Variants in TMEM266 observed in about 807,000 individuals in gnomAD.
TMEM266 encodes transmembrane protein 266.
In TMEM266, 33 loss-of-function variants were observed where a neutral mutation model predicts 50.5. That is an observed-to-expected ratio of 0.65 (90% CI 0.50 to 0.87). The LOEUF is 0.87. Ranked by LOEUF, TMEM266 falls within the 40% of genes least tolerant of loss-of-function variation. The pLI is 0.00. For missense variants in TMEM266, 655 were observed against 695.1 expected (o/e 0.94, Z 0.65); for synonymous variants, 310 against 292.3 (o/e 1.06, Z -0.62).
rs561781760 is a variant in TMEM266 at position 76,175,435 on chromosome 15, C to A, written c.653-124C>A. 3 of 687,040 alleles carry A rather than the reference C, an allele frequency of 4.4e-6. No individual in the cohort carries two copies. The East Asian group carries it at 8.2e-5, about 19-fold the overall frequency. 42.6% of individuals were successfully genotyped at this position (687,040 alleles called of 1,614,324 possible). ...GCTCTCGGGTACCTGGACATTTCCCCTTCTAGATCCACAGAAATGGCCCAG... is the reference window on the plus strand; with the variant it reads ...GCTCTCGGGTACCTGGACATTTCCCATTCTAGATCCACAGAAATGGCCCAG... On this transcript the variant is annotated intron_variant, in intron 7 of 10. Coordinates refer to ENST00000388942, the MANE Select transcript of TMEM266 (RefSeq NM_152335.3).
intron 5 of TMEM266, among the ~76,000 whole-genome samples, chr15:76,165,328 G>T (rs144451826): frequency 6.6e-6 from 1 of 152,232 alleles, no homozygotes; most frequent in Non-Finnish European, 1.5e-5. Flanking sequence ...GGACCAGAAG[G>T]TTCACTTGCC....
At chr15:76,107,246 TC>T (rs1410899143) in intron 1 of TMEM266, among the ~76,000 whole-genome samples, 1 of 152,244 alleles carries the variant, frequency 6.6e-6, no homozygotes, top group Non-Finnish European at 1.5e-5. Flanking sequence ...TTGCATTCTT[TC>T]ATTCATACGA....
chr15:76,116,371 G>T (rs1270281217), intron 1 of TMEM266, among the ~76,000 whole-genome samples: 2 of 152,084 alleles, frequency 1.3e-5, no homozygotes, highest in Non-Finnish European at 2.9e-5. Flanking sequence ...GGCTTTCTTG[G>T]TTCTCACCTA....
chr15:76,067,007 A>C (rs1440369755), intron 1 of TMEM266, among the ~76,000 whole-genome samples: 1 of 152,146 alleles, frequency 6.6e-6, no homozygotes, highest in Non-Finnish European at 1.5e-5. Flanking sequence ...GTGACAACCA[A>C]AAATGTCTCC....
rs778313540 is a variant in TMEM266 at position 76,160,057 on chromosome 15, C to A, written c.383-38C>A. 1.9e-6 allele frequency: 3 copies of A among 1,600,598 alleles called. No homozygotes were observed. The highest frequency in any genetic ancestry group is 2.2e-5 in the South Asian group (2 of 90,722). On this transcript the variant is annotated intron_variant, in intron 4 of 10. Coordinates refer to ENST00000388942, the MANE Select transcript of TMEM266 (RefSeq NM_152335.3). This position sits in a 1 kb window ranked among gnomAD's most constrained non-coding sequence, Gnocchi z 5.7. Reference sequence around the variant, plus strand: ...GCCCCCATAGCAACGCACCTAATTCCTCACTCCTAAAATTGGTCCTTATCG... The same window carrying A: ...GCCCCCATAGCAACGCACCTAATTCATCACTCCTAAAATTGGTCCTTATCG...
chr15:76,189,575 A>T (rs544406272), intron 8 of TMEM266, among the ~76,000 whole-genome samples: 57 of 152,184 alleles, frequency 3.7e-4, no homozygotes, highest in African/African-American at 1.2e-3. Flanking sequence ...TCCCCTCGGA[A>T]CCCCTGAGAG....
intron 1 of TMEM266, chr15:76,113,193 A>T (rs1292714325): frequency 6.6e-6 from 1 of 152,398 alleles, no homozygotes; most frequent in African/African-American, 2.4e-5. Flanking sequence ...AGGCGCCTGT[A>T]GTCCCAGCTA....
At chr15:76,080,336 T>A (rs2036671519) in intron 1 of TMEM266, among the ~76,000 whole-genome samples, 6 of 884 alleles carry the variant, frequency 6.8e-3, no homozygotes, top group Admixed American at 0.032. Context: ...CACTGCAACC[T>A]CTGCCTCCTT....
intron 9 of TMEM266, among the ~76,000 whole-genome samples, chr15:76,192,489 A>T (rs2456047): frequency 0.14 from 20,589 of 152,108 alleles, 1,661 homozygotes; most frequent in African/African-American, 0.22. Flanking sequence ...TGTATGGCTG[A>T]AGAAACCGAG....
chr15:76,101,780 A>G lies in TMEM266; in HGVS notation c.-96-32388A>G, dbSNP rs80277590. ...GACTGCACTCCCCTCTCACAGCCAGAGCAGAGGGAGAGCACCCTGCAGGCA... is the reference window on the plus strand; with the variant it reads ...GACTGCACTCCCCTCTCACAGCCAGGGCAGAGGGAGAGCACCCTGCAGGCA... On this transcript the variant is annotated intron_variant, in intron 1 of 10. Transcript: ENST00000388942. Among the ~76,000 whole-genome samples, 764 of 152,304 alleles carry G rather than the reference A, an allele frequency of 5.0e-3. 8 individuals are homozygous for G. The highest frequency in any genetic ancestry group is 0.017 in the African/African-American group (718 of 41,568).
intron 1 of TMEM266, among the ~76,000 whole-genome samples, chr15:76,109,500 T>C (rs1345084986): frequency 2.0e-5 from 3 of 152,154 alleles, no homozygotes; most frequent in African/African-American, 7.2e-5. Context: ...TCTGGCACAC[T>C]TCAAAAGTGG....
At chr15:76,093,081 C>G (rs1009433206) in intron 1 of TMEM266, among the ~76,000 whole-genome samples, 6 of 151,780 alleles carry the variant, frequency 4.0e-5, no homozygotes, top group Non-Finnish European at 8.8e-5. Context: ...GCTGGGATTA[C>G]AGGCGTAAAC....
intron 9 of TMEM266, among the ~76,000 whole-genome samples, chr15:76,199,367 G>T (rs1002738568): frequency 5.9e-5 from 9 of 152,232 alleles, no homozygotes; most frequent in African/African-American, 2.2e-4. Context: ...AAAGGAGAAC[G>T]ATCTAATACC....
intron 1 of TMEM266, among the ~76,000 whole-genome samples, chr15:76,108,058 G>GAGCCTGGCTACGTGAGGCTCCAAGGA (rs1408487068): frequency 1.3e-5 from 2 of 152,212 alleles, no homozygotes; most frequent in Non-Finnish European, 2.9e-5. Context: ...CAGAGCAGCT[G>GAGCCTGGCTACGTGAGGCTCCAAGGA]AGCCTGGCTA....
intron 3 of TMEM266, among the ~76,000 whole-genome samples, chr15:76,148,001 A>T (rs762096350): frequency 4.6e-5 from 7 of 152,262 alleles, no homozygotes; most frequent in Non-Finnish European, 8.8e-5. Flanking sequence ...GAAAAAAGGC[A>T]ATACATTCAC....
rs918598596 is a variant in TMEM266 at position 76,204,598 on chromosome 15, C to T, written c.*283C>T. On this transcript the variant is annotated 3_prime_UTR_variant, in exon 11 of 11. Coordinates refer to ENST00000388942, the MANE Select transcript of TMEM266 (RefSeq NM_152335.3). ...CAAAAACCAGCCTGTGGCCCAGCTTCAGCAGGGTAGAGTGTGGGGGGGCCA... is the reference window on the plus strand; with the variant it reads ...CAAAAACCAGCCTGTGGCCCAGCTTTAGCAGGGTAGAGTGTGGGGGGGCCA... The T allele has an allele frequency of 3.6e-6, 1 of 279,398 alleles. No homozygotes were observed. Among genetic ancestry groups the T allele is most frequent in the African/African-American group, 2.2e-5 (1 of 46,120 alleles). The allele number at this position is 279,398 out of a possible 1,614,324, so 17.3% of individuals were successfully genotyped here. A position where few individuals can be genotyped will look rare whatever the true frequency, so the allele number is the denominator to read the frequency against.
At chr15:76,189,308 A>C (rs1375413371) in intron 8 of TMEM266, among the ~76,000 whole-genome samples, 2 of 144,390 alleles carry the variant, frequency 1.4e-5, no homozygotes, top group East Asian at 1.9e-4. Flanking sequence ...CCATCGTGAC[A>C]ATCTTGTCTC....
At chr15:76,126,760 C>T (rs1382041456) in intron 1 of TMEM266, among the ~76,000 whole-genome samples, 1 of 152,066 alleles carries the variant, frequency 6.6e-6, no homozygotes, top group Non-Finnish European at 1.5e-5. Context: ...ACCTCCTGAC[C>T]TCAGGTAGTC....
intron 1 of TMEM266, among the ~76,000 whole-genome samples, chr15:76,061,132 G>A (rs1178470825): frequency 2.0e-5 from 3 of 152,106 alleles, no homozygotes; most frequent in Non-Finnish European, 4.4e-5. Context: ...CTAAAATATT[G>A]TGATGAAAAG....
Sources: allele counts gnomAD v4.1 joint callset (sites outside exome capture counted in the v4.1 genomes callset), GRCh38; gene constraint gnomAD v4.1.1; non-coding constraint Gnocchi (gnomAD v3.1); transcripts MANE v1.5; gene names NCBI Gene and HGNC (gene_info 2026-07-23, HGNC 2026-07-21).